TPD52L2: variants seen among roughly 807,000 people sequenced by gnomAD.
The protein encoded by TPD52L2 is tumor protein D54.
A neutral mutation model predicts 24.7 loss-of-function variants in TPD52L2; 19 were observed. The observed-to-expected ratio is 0.77, with a 90% CI of 0.54 to 1.13. TPD52L2 has a LOEUF of 1.13. TPD52L2 is among the 50% of genes most tolerant of loss of function. The pLI is 0.00. For missense variants in TPD52L2, 236 were observed against 250.4 expected (o/e 0.94, Z 0.39); for synonymous variants, 104 against 100.2 (o/e 1.04, Z -0.23).
chr20:63,887,436 G>A, intron 5 of TPD52L2: 1 of 1,033,562 alleles, frequency 9.7e-7, no homozygotes, highest in African/African-American at 1.6e-5. Flanking sequence ...TGGAGGGGCA[G>A]GCAGCTCGCT....
intron 2 of TPD52L2, among the ~76,000 whole-genome samples, chr20:63,871,353 A>ATT (rs368018116): frequency 1.6e-5 from 2 of 124,086 alleles, no homozygotes; most frequent in South Asian, 2.6e-4. Flanking sequence ...AAGAAAGAGA[A>ATT]TTTTTTTTTT....
At position 63,890,813 on chromosome 20, in the gene TPD52L2, T is replaced by G. The variant is rs572569641; in HGVS notation, c.*868T>G. The G allele has an allele frequency of 6.6e-6, 1 of 152,520 alleles. No homozygotes were observed. Among genetic ancestry groups the G allele is most frequent in the South Asian group, 2.1e-4 (1 of 4,834 alleles). The allele number at this position is 152,520 out of a possible 1,614,324, so 9.4% of individuals were successfully genotyped here. On this transcript the variant is annotated 3_prime_UTR_variant, in exon 7 of 7. Transcript: ENST00000346249. Reference sequence around the variant, plus strand: ...TGCTTCTCTTCTCAACCGTGGCAGCTCCCGCTGGCTCCTATGCCCTGCCCT... The same window carrying G: ...TGCTTCTCTTCTCAACCGTGGCAGCGCCCGCTGGCTCCTATGCCCTGCCCT...
At chr20:63,868,957 G>T (rs979940077) in intron 1 of TPD52L2, among the ~76,000 whole-genome samples, 1 of 152,148 alleles carries the variant, frequency 6.6e-6, no homozygotes, top group Non-Finnish European at 1.5e-5. Flanking sequence ...AAGGTGGAAG[G>T]TCTGTTAGAT....
intron 1 of TPD52L2, among the ~76,000 whole-genome samples, chr20:63,866,112 CTTTA>C (rs2052219250): frequency 1.3e-5 from 2 of 151,886 alleles, no homozygotes; most frequent in South Asian, 4.2e-4. Context: ...TTCTTTCTTT[CTTTA>C]TTTTTTTGAG....
intron 6 of TPD52L2, among the ~76,000 whole-genome samples, 193 bp downstream of exon 6, chr20:63,889,431 C>T (rs1380853443): frequency 1.3e-5 from 2 of 152,110 alleles, no homozygotes; most frequent in Non-Finnish European, 2.9e-5. Context: ...AGCCTCCCCA[C>T]CAGGACATTG....
In TPD52L2 at chr20:63,871,209, A is replaced by G. The variant is rs2052451526; in HGVS notation, c.165+1768A>G. On this transcript the variant is annotated intron_variant, in intron 2 of 6. Coordinates refer to ENST00000346249, the MANE Select transcript of TPD52L2 (RefSeq NM_003288.4). ...AGACGCCTGCCACCACACCTGGCTA[A>G]TTTTTGTATTTTTAGTAGAGACAGA... Among the ~76,000 whole-genome samples, 3 of 150,398 alleles carry G rather than the reference A, an allele frequency of 2.0e-5. No homozygotes were observed. In the South Asian group the frequency reaches 6.3e-4, roughly 32 times the overall value.
chr20:63,884,527 T>C (rs1163944407), intron 5 of TPD52L2, among the ~76,000 whole-genome samples: 1 of 152,228 alleles, frequency 6.6e-6, no homozygotes, highest in East Asian at 1.9e-4. Context: ...CCTAGGGTTT[T>C]GATCTGGGCA....
chr20:63,869,241 A>G, intron 1 of TPD52L2, 55 bp from the exon 2 acceptor site: 5 of 1,606,692 alleles, frequency 3.1e-6, no homozygotes, highest in South Asian at 1.1e-5. Context: ...CCTCTACCGT[A>G]TTTACTTGGA....
At chr20:63,886,574 C>A (rs1341429379) in intron 5 of TPD52L2, among the ~76,000 whole-genome samples, 1 of 151,914 alleles carries the variant, frequency 6.6e-6, no homozygotes. Flanking sequence ...TGGTCTCGAT[C>A]TCCCGACCTC....
intron 5 of TPD52L2, among the ~76,000 whole-genome samples, chr20:63,886,698 A>G (rs2053134523): frequency 6.9e-6 from 1 of 145,310 alleles, no homozygotes; most frequent in Admixed American, 7.0e-5. Context: ...AGGCTGGAGC[A>G]CAGTGGTGTG....
At position 63,869,355 on chromosome 20, in the gene TPD52L2, G is replaced by T. The variant is rs1174359525; in HGVS notation, c.79G>T (p.Val27Phe). 1 of 1,614,106 alleles carries T rather than the reference G, an allele frequency of 6.2e-7. No homozygotes were observed. Among genetic ancestry groups the T allele is most frequent in the Non-Finnish European group, 8.5e-7 (1 of 1,180,048 alleles). ...LLSDSMTDVP[V>F]DTGVAARTPA... ...GTCTGACTCCATGACGGATGTTCCT[G>T]TCGACACAGGTGTGGCTGCCCGGAC... Residue 27 changes from valine to phenylalanine, a missense_variant, in exon 2 of 7, where the codon GTC (valine) becomes TTC (phenylalanine). Physicochemically the swap from Val to Phe is conservative, Grantham distance 50. Transcript: ENST00000346249.
At position 63,877,320 on chromosome 20, in the gene TPD52L2, C is replaced by T. The variant is rs548312812; in HGVS notation, c.374+1445C>T. 1.4e-3 allele frequency: 383 copies of T among 269,800 alleles called. 2 individuals are homozygous for T. The highest frequency in any genetic ancestry group is 6.0e-3 in the African/African-American group (261 of 43,700). The allele number at this position is 269,800 out of a possible 1,614,324, so 16.7% of individuals were successfully genotyped here. On this transcript the variant is annotated intron_variant, in intron 4 of 6. Transcript: ENST00000346249. This position sits in a 1 kb window ranked among gnomAD's most constrained non-coding sequence, Gnocchi z 4.1. The stretch of plus-strand genomic sequence containing the variant: ...GACTACAGGCGCCCACCACCACGCC[C>T]GGCTAATTTTTTGTATTTTTAGTAG...
At chr20:63,886,456 G>GGT (rs1410949432) in intron 5 of TPD52L2, among the ~76,000 whole-genome samples, 4,339 of 151,990 alleles carry the variant, frequency 0.029, 222 homozygotes, top group African/African-American at 0.099. Context: ...CGCCTCCCGG[G>GGT]TTCACGCCAT....
chr20:63,890,164 C>G lies in TPD52L2; in HGVS notation c.*219C>G. The G allele has an allele frequency of 1.9e-6, 2 of 1,078,142 alleles. No homozygotes were observed. Among genetic ancestry groups the G allele is most frequent in the Non-Finnish European group, 2.6e-6 (2 of 765,550 alleles). The allele number at this position is 1,078,142 out of a possible 1,614,324, so 66.8% of individuals were successfully genotyped here. On this transcript the variant is annotated 3_prime_UTR_variant, in exon 7 of 7. Coordinates refer to ENST00000346249, the MANE Select transcript of TPD52L2 (RefSeq NM_003288.4). ...TTTACACTCACGTTTGTAGATGAAACAGATCACTGTGCTGTCCTTCCTAGG... is the reference window on the plus strand; with the variant it reads ...TTTACACTCACGTTTGTAGATGAAAGAGATCACTGTGCTGTCCTTCCTAGG...
At chr20:63,873,923 T>G in intron 3 of TPD52L2, 107 bp downstream of exon 3, 1 of 1,262,560 alleles carries the variant, frequency 7.9e-7, no homozygotes, top group Non-Finnish European at 1.0e-6. Context: ...GTTGCAGCCG[T>G]GGAGTTGAGT....
intron 1 of TPD52L2, 128 bp downstream of exon 1, chr20:63,865,512 C>G (rs1167369572): frequency 7.9e-7 from 1 of 1,258,656 alleles, no homozygotes; most frequent in Non-Finnish European, 1.1e-6. Flanking sequence ...GGCCCCTCTT[C>G]AGCTCCCGGG....
chr20:63,887,760 A>G (rs1298270719), intron 5 of TPD52L2: 1 of 743,390 alleles, frequency 1.3e-6, no homozygotes, highest in African/African-American at 1.7e-5. Context: ...GCCGGTAAAA[A>G]CCCCCTCTAG....
intron 5 of TPD52L2, among the ~76,000 whole-genome samples, chr20:63,886,453 C>CA (rs1271071265): frequency 6.7e-6 from 1 of 149,454 alleles, no homozygotes; most frequent in African/African-American, 2.6e-5. Flanking sequence ...CTCCGCCTCC[C>CA]GGGTTCACGC....
chr20:63,888,957 G>C, intron 5 of TPD52L2: 1 of 589,578 alleles, frequency 1.7e-6, no homozygotes, highest in Non-Finnish European at 3.0e-6. Context: ...GGGGTTTCCA[G>C]TTGCCTTGTG....
Sources: allele counts gnomAD v4.1 joint callset (sites outside exome capture counted in the v4.1 genomes callset), GRCh38; gene constraint gnomAD v4.1.1; non-coding constraint Gnocchi (gnomAD v3.1); transcripts MANE v1.5; gene names NCBI Gene and HGNC (gene_info 2026-07-23, HGNC 2026-07-21).